TEX11: variants seen among roughly 807,000 people sequenced by gnomAD.
TEX11 encodes the protein testis expressed 11.
Under a neutral mutation model 84.4 loss-of-function variants are expected in TEX11, and 7 were observed. The ratio of observed to expected loss-of-function variants is 0.08; its 90% confidence interval spans 0.05 to 0.16. TEX11 has a LOEUF of 0.16. Ranked by LOEUF, TEX11 falls within the 10% of genes least tolerant of loss-of-function variation. The probability of loss-of-function intolerance (pLI) is 1.00; values close to 1 mark genes in which losing one functional copy is unlikely to be tolerated. For synonymous variants in TEX11, 264 were observed against 222.8 expected (o/e 1.18, Z -1.64); for missense variants, 551 against 660.5 (o/e 0.83, Z 1.82).
At chrX:70,767,515 A>G (rs906125061) in intron 9 of TEX11, among the ~76,000 whole-genome samples, 1 of 111,828 alleles carries the variant, frequency 8.9e-6, no homozygotes, top group African/African-American at 3.2e-5. Flanking sequence ...ACCCTTGCAC[A>G]ATGTTGGCAG....
Position 70,591,820 on chromosome X carries a change from T to C in TEX11, c.2071A>G (p.Met691Val). ...RKASTAFEQT[M>V]FLSRALEEIQ... ...TCCTCAAGTGCACGACTCAGGAACA[T>C]GGTCTGTTTGGCAACAGTGCAACAA... is the stretch of plus-strand genomic sequence containing the variant. Residue 691 changes from methionine (M) to valine (V), a missense_variant, in exon 25 of 30, where the codon ATG becomes GTG. Coordinates refer to ENST00000374333, the MANE Select transcript of TEX11 (RefSeq NM_031276.3). 8.3e-7 allele frequency: 1 copy of C among 1,205,644 alleles called. No homozygotes were observed. The highest frequency in any genetic ancestry group is 1.7e-5 in the African/African-American group (1 of 57,662).
chrX:70,631,796 G>A lies in TEX11; in HGVS notation c.1484-2061C>T, dbSNP rs190186206. On this transcript the variant is annotated intron_variant, in intron 17 of 29. Coordinates refer to ENST00000374333, the MANE Select transcript of TEX11 (RefSeq NM_031276.3). Reference sequence around the variant, plus strand: ...TATAGACCATCATGTCACTTCCTCCGAATCAGAAGACTGTGTGTTGTGGAA... The same window carrying A: ...TATAGACCATCATGTCACTTCCTCCAAATCAGAAGACTGTGTGTTGTGGAA... Among the ~76,000 whole-genome samples the A allele has an allele frequency of 7.2e-3, 491 of 68,366 alleles. 24 individuals are homozygous for A. In the South Asian group the frequency reaches 0.16, roughly 22 times the overall value. 59.4% of individuals were successfully genotyped at this position (68,366 alleles called of 115,157 possible). A position where few individuals can be genotyped will look rare whatever the true frequency, so the allele number is the denominator to read the frequency against.
At position 70,552,231 on chromosome X, in the gene TEX11, G is replaced by A. The variant is rs1429156221; in HGVS notation, c.2415C>T (p.Asn805=). The A allele has an allele frequency of 2.5e-6, 3 of 1,206,676 alleles. No homozygotes were observed. The African/African-American group carries it at 5.3e-5, about 21-fold the overall frequency. The change falls in exon 28 of 30, where the codon AAC becomes AAT. Residue 805 remains asparagine (N), a synonymous_variant. Coordinates refer to ENST00000374333, the MANE Select transcript of TEX11 (RefSeq NM_031276.3). ...CATCTGGCACTGAGAGGTTAACCAA[G>A]TTGTGCATACATTTGCTGAAAATCA... The part of the protein sequence containing the change: ...DISQYSKCMH[N]LVNLSVPDGA...
rs1350315667 is a variant in TEX11 at position 70,771,325 on chromosome X, A to T, written c.693-27106T>A. ...GAAGTAATGTCATTAAATCTCATTT[A>T]TTATGGTCAATGTTATATTATTTTT... On this transcript the variant is annotated intron_variant, in intron 9 of 29. Transcript: ENST00000374333. Among the ~76,000 whole-genome samples, 3 of 112,364 alleles carry T rather than the reference A, an allele frequency of 2.7e-5. No homozygotes were observed. In the Admixed American group the frequency reaches 2.8e-4, roughly 11 times the overall value.
chrX:70,905,248 G>A (rs1378673924), intron 2 of TEX11, among the ~76,000 whole-genome samples: 5 of 111,219 alleles, frequency 4.5e-5, no homozygotes, highest in Admixed American at 9.6e-5. Flanking sequence ...GCTTGAACCC[G>A]GGAGGCGTGG....
At chrX:70,731,898 A>T (rs1169146235) in intron 11 of TEX11, among the ~76,000 whole-genome samples, 1 of 111,537 alleles carries the variant, frequency 9.0e-6, no homozygotes, top group Admixed American at 9.5e-5. Context: ...GATGCAAAAA[A>T]CCTCAATAAA....
intron 9 of TEX11, among the ~76,000 whole-genome samples, chrX:70,798,871 C>T (rs987480273): frequency 9.6e-6 from 1 of 104,636 alleles, no homozygotes; most frequent in Admixed American, 1.1e-4. Flanking sequence ...AAATGTAAGA[C>T]CAGAAACTGT....
rs763302250 is a variant in TEX11, at chrX:70,677,842, T to A, written c.1242+962A>T. The stretch of plus-strand genomic sequence containing the variant: ...TTTTTTTTTTTTTTTTGAGATGGAG[T>A]CTTGCTCTGTCGCCAGGCTGGAGTG... On this transcript the variant is annotated intron_variant, in intron 15 of 29. Transcript: ENST00000374333. Among the ~76,000 whole-genome samples, 7 of 85,101 alleles carry A rather than the reference T, an allele frequency of 8.2e-5. No individual in the cohort carries two copies. In the South Asian group the frequency reaches 4.6e-3, roughly 56 times the overall value. 73.9% of individuals were successfully genotyped at this position (85,101 alleles called of 115,157 possible).
intron 7 of TEX11, among the ~76,000 whole-genome samples, chrX:70,839,330 A>G (rs2091426909): frequency 8.9e-6 from 1 of 111,769 alleles, no homozygotes; most frequent in Non-Finnish European, 1.9e-5. Context: ...TCTGCAGTTC[A>G]CCAATATCTG....
At chrX:70,595,001 A>G (rs1259459801) in intron 24 of TEX11, among the ~76,000 whole-genome samples, 2 of 111,898 alleles carry the variant, frequency 1.8e-5, no homozygotes, top group African/African-American at 6.5e-5. Context: ...AGTAACTCTA[A>G]TCTACAGGAA....
chrX:70,641,999 C>A (rs777267772), intron 17 of TEX11, among the ~76,000 whole-genome samples: 49 of 109,213 alleles, frequency 4.5e-4, no homozygotes, highest in South Asian at 2.0e-3. Flanking sequence ...TTGAAAGGAT[C>A]AACAAAATTG....
chrX:70,768,792 G>A (rs747614449), intron 9 of TEX11, among the ~76,000 whole-genome samples: 2 of 111,674 alleles, frequency 1.8e-5, no homozygotes, highest in South Asian at 3.8e-4. Flanking sequence ...CCCAATAATA[G>A]CAGACTATAA....
intron 8 of TEX11, among the ~76,000 whole-genome samples, chrX:70,822,390 G>GA (rs2091322432): frequency 9.0e-6 from 1 of 110,714 alleles, no homozygotes; most frequent in African/African-American, 3.3e-5. Context: ...CCAAGATATG[G>GA]AAACAACCTA....
At chrX:70,566,762 T>C (rs1218633898) in intron 25 of TEX11, among the ~76,000 whole-genome samples, 1 of 111,800 alleles carries the variant, frequency 8.9e-6, no homozygotes, top group Non-Finnish European at 1.9e-5. Context: ...GCCCACTTGA[T>C]CATGGTGGAT....
At chrX:70,844,766 CCAAAA>C (rs996496965) in intron 7 of TEX11, among the ~76,000 whole-genome samples, 1 of 110,237 alleles carries the variant, frequency 9.1e-6, no homozygotes, top group Admixed American at 9.7e-5. Context: ...ACTAGAAATA[CCAAAA>C]CAAAACAAAA....
In TEX11 at chrX:70,775,799, C is replaced by CAAAAAAAAAAAAA. The variant is rs55995616; in HGVS notation, c.692+30905_692+30906insTTTTTTTTTTTTT. ...TGGGTGACAGAGCGAGACTCCGTCT[C>CAAAAAAAAAAAAA]AAAAAAAAAAAGGCATACAAATGGC... is the stretch of plus-strand genomic sequence containing the variant. On this transcript the variant is annotated intron_variant, in intron 9 of 29. Coordinates refer to ENST00000374333, the MANE Select transcript of TEX11 (RefSeq NM_031276.3). Among the ~76,000 whole-genome samples, 5 of 44,078 alleles carry CAAAAAAAAAAAAA rather than the reference C, an allele frequency of 1.1e-4. 2 individuals carry two copies. Among genetic ancestry groups the CAAAAAAAAAAAAA allele is most frequent in the Admixed American group, 8.3e-4 (2 of 2,403 alleles). 38.3% of individuals were successfully genotyped at this position (44,078 alleles called of 115,157 possible).
At chrX:70,839,279 C>G (rs1397614713) in intron 7 of TEX11, among the ~76,000 whole-genome samples, 1 of 111,634 alleles carries the variant, frequency 9.0e-6, no homozygotes, top group Non-Finnish European at 1.9e-5. Context: ...CCGGGTACCC[C>G]TCTGAGACAA....
At chrX:70,708,943 C>T (rs1207090891) in intron 13 of TEX11, among the ~76,000 whole-genome samples, 1 of 105,247 alleles carries the variant, frequency 9.5e-6, no homozygotes, top group Non-Finnish European at 1.9e-5. Context: ...AAAAAAAAAA[C>T]TCCTTTTCCC....
intron 10 of TEX11, among the ~76,000 whole-genome samples, chrX:70,743,157 C>T (rs771141532): frequency 8.9e-6 from 1 of 112,199 alleles, no homozygotes; most frequent in South Asian, 3.7e-4. Flanking sequence ...CTTTTTGTGA[C>T]TGGCTTGTTT....
Sources: gnomAD v4.1 joint callset for allele counts (sites outside exome capture counted in the v4.1 genomes callset) on GRCh38, gnomAD v4.1.1 for gene constraint, MANE v1.5 for transcripts, NCBI Gene and HGNC (gene_info 2026-07-23, HGNC 2026-07-21) for gene names.